The following ABLIM1 variants were observed in gnomAD, a reference collection of about 807,000 sequenced individuals.
ABLIM1 encodes the protein actin binding LIM protein 1, also known as actin-binding LIM protein 1.
In ABLIM1, 40 loss-of-function variants were observed where a neutral mutation model predicts 107.0. The ratio of observed to expected loss-of-function variants is 0.37; its 90% CI spans 0.29 to 0.49. ABLIM1 has a LOEUF of 0.49. Among genes scored for constraint, ABLIM1 ranks in the 20% least tolerant of loss-of-function variants. ABLIM1 has a pLI of 0.97. For synonymous variants in ABLIM1, 357 were observed against 357.3 expected, an observed-to-expected ratio of 1.00 and a Z score of 0.01; for missense variants, 857 against 1,008.5, an observed-to-expected ratio of 0.85 and a Z score of 2.04.
chr10:114,448,082 AC>A, intron 14 of ABLIM1, 62 bp from the exon 15 acceptor site: 1 of 1,597,292 alleles, frequency 6.3e-7, no homozygotes, highest in Non-Finnish European at 8.6e-7. Context: ...TGGCGGTACA[AC>A]CCCACTTACA....
chr10:114,543,341 C>G (rs2066921844), intron 6 of ABLIM1, among the ~76,000 whole-genome samples: 1 of 152,196 alleles, frequency 6.6e-6, no homozygotes, highest in Admixed American at 6.5e-5. Flanking sequence ...CAGCCTTTGG[C>G]AACTACCAAT....
At chr10:114,690,456 C>A (rs1221367580) in intron 1 of ABLIM1, 6 of 1,591,098 alleles carry the variant, frequency 3.8e-6, no homozygotes, top group Non-Finnish European at 4.3e-6. Flanking sequence ...ACCACCCTGA[C>A]ACATAAACCC....
At chr10:114,489,214 C>T (rs2058605812) in intron 7 of ABLIM1, among the ~76,000 whole-genome samples, 1 of 152,080 alleles carries the variant, frequency 6.6e-6, no homozygotes, top group African/African-American at 2.4e-5. Context: ...GACAGGTTTT[C>T]GCCATATTGG....
At chr10:114,773,906 A>G in the ABLIM1 span, among the ~76,000 whole-genome samples, 2 of 150,898 alleles carry the variant, frequency 1.3e-5, no homozygotes, top group Non-Finnish European at 3.0e-5. Context: ...ACCACCATTA[A>G]AAAGTATGAG....
At chr10:114,594,995 T>C (rs962430403) in intron 2 of ABLIM1, 1 of 152,102 alleles carries the variant, frequency 6.6e-6, no homozygotes, top group Non-Finnish European at 1.5e-5. Context: ...GGCAGGGACA[T>C]GTGATATAGG....
intron 8 of ABLIM1, among the ~76,000 whole-genome samples, chr10:114,481,150 T>C (rs1432916916): frequency 6.6e-6 from 1 of 152,046 alleles, no homozygotes; most frequent in African/African-American, 2.4e-5. Context: ...TACTAACCAT[T>C]AAAAACACTT....
rs1343862747 is a variant in ABLIM1, at chr10:114,473,060, T to G, written c.1192A>C (p.Ile398Leu). ...AIPKVKAIYD[I>L]ERPDLITYEP... is the part of the protein sequence containing the mutation. Reference sequence around the variant, plus strand: ...TAGGTAATAAGATCTGGACGTTCAATGTCATAAATTGCCTTGACCTTCGGA... The same window carrying G: ...TAGGTAATAAGATCTGGACGTTCAAGGTCATAAATTGCCTTGACCTTCGGA... The change falls in exon 10 of 23, where the codon ATT (isoleucine) becomes CTT (leucine). Residue 398 changes from isoleucine (I) to leucine (L), a missense_variant. Physicochemically the swap from Ile to Leu is conservative, Grantham distance 5. Transcript: ENST00000533213. The G allele has an allele frequency of 1.2e-6, 2 of 1,613,728 alleles. No homozygotes were observed. The highest frequency in any genetic ancestry group is 1.6e-4 in the Middle Eastern group (1 of 6,062).
chr10:114,498,845 G>A (rs1001616313), intron 6 of ABLIM1, among the ~76,000 whole-genome samples: 4 of 152,170 alleles, frequency 2.6e-5, no homozygotes, highest in Admixed American at 1.3e-4. Context: ...TTGAAAAAAT[G>A]GCCACACACA....
intron 15 of ABLIM1, among the ~76,000 whole-genome samples, chr10:114,446,556 T>G (rs1316418143): frequency 1.3e-5 from 2 of 152,216 alleles, no homozygotes; most frequent in Non-Finnish European, 2.9e-5. Context: ...CAAAATAAAC[T>G]TTAACTAATA....
At chr10:114,442,846 AT>A (rs11286352) in intron 17 of ABLIM1, among the ~76,000 whole-genome samples, 94,181 of 149,594 alleles carry the variant, frequency 0.63, 30,259 homozygotes, top group African/African-American at 0.8. Flanking sequence ...CATTAAATGC[AT>A]TTTTTTTTTT....
chr10:114,574,209 T>C (rs145088301), intron 3 of ABLIM1, among the ~76,000 whole-genome samples: 260 of 152,250 alleles, frequency 1.7e-3, no homozygotes, highest in African/African-American at 5.9e-3. Flanking sequence ...TAGAAAGGCA[T>C]AGCAAATAGA....
chr10:114,524,755 T>C (rs1335071748), intron 6 of ABLIM1, among the ~76,000 whole-genome samples: 1 of 152,190 alleles, frequency 6.6e-6, no homozygotes, highest in African/African-American at 2.4e-5. Context: ...ATACCAATCA[T>C]AGCACTGTAT....
intron 2 of ABLIM1, among the ~76,000 whole-genome samples, chr10:114,590,164 T>C (rs1415737691): frequency 2.0e-5 from 3 of 152,102 alleles, no homozygotes; most frequent in Non-Finnish European, 4.4e-5. Context: ...GGCTACACCA[T>C]ATGGCCTAGC....
chr10:114,527,756 C>T (rs1279176688), intron 6 of ABLIM1, among the ~76,000 whole-genome samples: 1 of 150,894 alleles, frequency 6.6e-6, no homozygotes, highest in Non-Finnish European at 1.5e-5. Flanking sequence ...CCTCCAACTC[C>T]TGGGTCCAAG....
intron 1 of ABLIM1, among the ~76,000 whole-genome samples, chr10:114,713,689 T>C (rs1403223266): frequency 6.6e-6 from 1 of 152,156 alleles, no homozygotes; most frequent in Admixed American, 6.5e-5. Flanking sequence ...AATCAGCCAA[T>C]TTCATTCAGT....
In ABLIM1 at chr10:114,473,061, G is replaced by A; in HGVS notation, c.1191C>T (p.Asp397=). 6.2e-7 allele frequency: 1 copy of A among 1,613,582 alleles called. No homozygotes were observed. Residue 397 remains aspartate (D), a synonymous_variant, in exon 10 of 23, where the codon GAC becomes GAT. Coordinates refer to ENST00000533213, the MANE Select transcript of ABLIM1 (RefSeq NM_002313.7). The part of the protein sequence containing the change: ...AAIPKVKAIY[D]IERPDLITYE... The stretch of plus-strand genomic sequence containing the variant: ...AGGTAATAAGATCTGGACGTTCAAT[G>A]TCATAAATTGCCTTGACCTTCGGAA...
intron 1 of ABLIM1, among the ~76,000 whole-genome samples, chr10:114,675,931 C>T (rs975972303): frequency 6.6e-6 from 1 of 152,174 alleles, no homozygotes; most frequent in Non-Finnish European, 1.5e-5. Flanking sequence ...ATGTCCATCT[C>T]TGCATCCAAA....
intron 1 of ABLIM1, among the ~76,000 whole-genome samples, chr10:114,603,691 C>T (rs1485424695): frequency 6.6e-6 from 1 of 151,070 alleles, no homozygotes; most frequent in East Asian, 1.9e-4. Context: ...CGGTGGCTCA[C>T]ACCTGTAATC....
At chr10:114,600,462 T>C (rs894214165) in intron 2 of ABLIM1, among the ~76,000 whole-genome samples, 2 of 152,166 alleles carry the variant, frequency 1.3e-5, no homozygotes, top group African/African-American at 4.8e-5. Context: ...CCTGAAAACT[T>C]TACTCTCAGT....
Sources: allele counts gnomAD v4.1 joint callset (sites outside exome capture counted in the v4.1 genomes callset), GRCh38; gene constraint gnomAD v4.1.1; transcripts MANE v1.5; gene names NCBI Gene and HGNC (gene_info 2026-07-23, HGNC 2026-07-21).